Variants in SRBD1 observed in about 807,000 individuals in gnomAD.
The protein encoded by SRBD1 is S1 RNA binding domain 1, also known as S1 RNA-binding domain-containing protein 1.
Under a neutral mutation model 115.3 loss-of-function variants are expected in SRBD1, and 88 were observed. The ratio of observed to expected loss-of-function variants is 0.76; its 90% CI spans 0.64 to 0.91. SRBD1 has a LOEUF of 0.91. Among genes scored for constraint, SRBD1 ranks in the 40% least tolerant of loss-of-function variants. SRBD1 has a pLI of 0.00. For synonymous variants in SRBD1, 509 were observed against 407.7 expected, an observed-to-expected ratio of 1.25 and a Z score of -2.99; for missense variants, 1,385 against 1,177.4, an observed-to-expected ratio of 1.18 and a Z score of -2.58.
intron 3 of SRBD1, 126 bp downstream of exon 3, chr2:45,601,777 G>A (rs1404855016): frequency 1.1e-5 from 14 of 1,247,448 alleles, no homozygotes; most frequent in Middle Eastern, 2.8e-4. Flanking sequence ...AAGACCCAGG[G>A]TAGGGGATGC....
chr2:45,571,288 T>G (rs754231982), intron 9 of SRBD1, among the ~76,000 whole-genome samples: 1 of 152,004 alleles, frequency 6.6e-6, no homozygotes, highest in Non-Finnish European at 1.5e-5. Context: ...TTTGTTTTTG[T>G]TTTTGGCTCC....
chr2:45,549,896 G>A (rs1267256926), intron 12 of SRBD1, among the ~76,000 whole-genome samples: 1 of 151,642 alleles, frequency 6.6e-6, no homozygotes, highest in African/African-American at 2.4e-5. Context: ...AATAACATAA[G>A]TCAAAATTAG....
chr2:45,546,882 G>C (rs748167783), intron 13 of SRBD1, 43 bp from the exon 14 acceptor site: 2 of 1,567,896 alleles, frequency 1.3e-6, no homozygotes, highest in South Asian at 2.2e-5. Context: ...TTCAAGGCAT[G>C]CTTTGAAATC....
At position 45,551,358 on chromosome 2, in the gene SRBD1, T is replaced by C; in HGVS notation, c.1518-76A>G. The C allele has an allele frequency of 1.5e-6, 2 of 1,367,694 alleles. 1 individual carries two copies. The highest frequency in any genetic ancestry group is 2.0e-6 in the Non-Finnish European group (2 of 1,009,936). 84.7% of individuals were successfully genotyped at this position (1,367,694 alleles called of 1,614,324 possible). On this transcript the variant is annotated intron_variant, in intron 11 of 20. Coordinates refer to ENST00000263736, the MANE Select transcript of SRBD1 (RefSeq NM_018079.5). The stretch of plus-strand genomic sequence containing the variant: ...TCCAGAAAAGGAGCAGAATTCATTT[T>C]GTACAATTATTTCTCAAAGGATAAT...
chr2:45,418,378 G>A lies in SRBD1; in HGVS notation c.2320C>T (p.Arg774Ter), dbSNP rs779420849. 1.2e-5 allele frequency: 20 copies of A among 1,612,968 alleles called. No homozygotes were observed. The highest frequency in any genetic ancestry group is 1.3e-5 in the African/African-American group (1 of 74,764). ...GFIRINQDYI[R>*]TFCSQQTETS... ...ACTTATACTCACCTGCAAAACGTTCGGATATAATCCTGGTTGATTCTGATG... is the reference window on the plus strand; with the variant it reads ...ACTTATACTCACCTGCAAAACGTTCAGATATAATCCTGGTTGATTCTGATG... The change falls in exon 18 of 21, where the codon CGA becomes TGA. Residue 774 changes from arginine to a stop codon, truncating the protein, a stop_gained. Coordinates refer to ENST00000263736, the MANE Select transcript of SRBD1 (RefSeq NM_018079.5). LOFTEE classifies it high-confidence loss of function.
chr2:45,591,400 C>G (rs568454351), intron 4 of SRBD1, among the ~76,000 whole-genome samples: 27 of 152,150 alleles, frequency 1.8e-4, no homozygotes, highest in Non-Finnish European at 2.5e-4. Flanking sequence ...CTCCAATTCC[C>G]GAGTTTTCAG....
chr2:45,389,813 T>C (rs1438707960), intron 20 of SRBD1, among the ~76,000 whole-genome samples: 1 of 152,038 alleles, frequency 6.6e-6, no homozygotes, highest in Non-Finnish European at 1.5e-5. Context: ...TTCAAGAAAA[T>C]TTACTTCCTT....
At chr2:45,443,025 G>A (rs889071101) in intron 16 of SRBD1, among the ~76,000 whole-genome samples, 5 of 152,184 alleles carry the variant, frequency 3.3e-5, no homozygotes, top group African/African-American at 4.8e-5. Flanking sequence ...AAAAAAAGGG[G>A]AAAGTACTAA....
chr2:45,597,328 G>A (rs1345369196), intron 4 of SRBD1, among the ~76,000 whole-genome samples: 1 of 151,864 alleles, frequency 6.6e-6, no homozygotes, highest in African/African-American at 2.4e-5. Context: ...GCTGAGGCAG[G>A]AGAATCGCTT....
intron 4 of SRBD1, among the ~76,000 whole-genome samples, chr2:45,592,157 A>G (rs1462914800): frequency 6.6e-6 from 1 of 152,040 alleles, no homozygotes; most frequent in Non-Finnish European, 1.5e-5. Flanking sequence ...TTTGCCTCCC[A>G]CCATGATTCT....
chr2:45,392,518 G>T (rs1403484492), intron 20 of SRBD1, among the ~76,000 whole-genome samples: 3 of 152,108 alleles, frequency 2.0e-5, no homozygotes, highest in African/African-American at 7.2e-5. Flanking sequence ...TTGTTCAATG[G>T]GTTCATTGAC....
intron 16 of SRBD1, among the ~76,000 whole-genome samples, chr2:45,427,232 A>G (rs1668181981): frequency 1.3e-5 from 2 of 152,038 alleles, no homozygotes; most frequent in African/African-American, 4.8e-5. Flanking sequence ...AACTTCATGA[A>G]GTGTACACAG....
At chr2:45,408,979 T>C (rs1335987281) in intron 19 of SRBD1, among the ~76,000 whole-genome samples, 1 of 152,136 alleles carries the variant, frequency 6.6e-6, no homozygotes, top group African/African-American at 2.4e-5. Context: ...TCCCAGCACT[T>C]TGGGAGGCCG....
intron 11 of SRBD1, among the ~76,000 whole-genome samples, chr2:45,552,436 T>C (rs540452168): frequency 5.3e-5 from 8 of 152,178 alleles, no homozygotes; most frequent in Non-Finnish European, 1.0e-4. Flanking sequence ...TGATCCCACA[T>C]CAAACTGTTT....
At chr2:45,409,880 A>G (rs1392347186) in intron 19 of SRBD1, among the ~76,000 whole-genome samples, 2 of 152,194 alleles carry the variant, frequency 1.3e-5, no homozygotes, top group Non-Finnish European at 2.9e-5. Context: ...TGCTGACATA[A>G]TAAGTTCATG....
intron 16 of SRBD1, among the ~76,000 whole-genome samples, chr2:45,444,618 T>C (rs1668766650): frequency 6.6e-6 from 1 of 152,244 alleles, no homozygotes; most frequent in Admixed American, 6.5e-5. Flanking sequence ...GACCACACTA[T>C]ACTGGTTCAA....
At position 45,547,561 on chromosome 2, in the gene SRBD1, C is replaced by A. The variant is rs758362125; in HGVS notation, c.1727G>T (p.Arg576Leu). ...VVYLHCGQGF[R>L]EAEKIKTLLL... is the part of the protein sequence containing the mutation. ...AAGTGTCTTTATTTTCTCCGCCTCT[C>A]GGAAGCCTTGTCCACAATGCAAGTA... The change falls in exon 13 of 21, where the codon CGA (arginine) becomes CTA (leucine). Residue 576 changes from arginine to leucine, a missense_variant. Coordinates refer to ENST00000263736, the MANE Select transcript of SRBD1 (RefSeq NM_018079.5). 1 of 1,613,592 alleles carries A rather than the reference C, an allele frequency of 6.2e-7. No individual in the cohort carries two copies. Among genetic ancestry groups the A allele is most frequent in the African/African-American group, 1.3e-5 (1 of 74,866 alleles).
chr2:45,502,767 G>A (rs945859158), intron 14 of SRBD1, among the ~76,000 whole-genome samples: 4 of 151,706 alleles, frequency 2.6e-5, no homozygotes, highest in Non-Finnish European at 5.9e-5. Flanking sequence ...AACATGGCAC[G>A]TGTATACATA....
intron 15 of SRBD1, among the ~76,000 whole-genome samples, chr2:45,477,568 G>C (rs1572683677): frequency 6.6e-6 from 1 of 151,828 alleles, no homozygotes; most frequent in Non-Finnish European, 1.5e-5. Context: ...CTTTTTTTTA[G>C]AGATAGGGTC....
Sources: gnomAD v4.1 joint callset for allele counts (sites outside exome capture counted in the v4.1 genomes callset) on GRCh38, gnomAD v4.1.1 for gene constraint, MANE v1.5 for transcripts, NCBI Gene and HGNC (gene_info 2026-07-23, HGNC 2026-07-21) for gene names.